The following CUL4A variants were observed in gnomAD, a reference collection of about 807,000 sequenced individuals.
CUL4A encodes cullin-4A.
In CUL4A, 16 loss-of-function variants were observed where a neutral mutation model predicts 95.5. The observed-to-expected ratio is 0.17, with a 90% confidence interval of 0.11 to 0.25. The LOEUF (loss-of-function observed/expected upper bound fraction) is 0.25. Among genes scored for constraint, CUL4A ranks in the 10% least tolerant of loss-of-function variants. The pLI is 1.00. For missense variants in CUL4A, 610 were observed against 937.0 expected, an observed-to-expected ratio of 0.65 and a Z score of 4.56; for synonymous variants, 380 against 353.1, an observed-to-expected ratio of 1.08 and a Z score of -0.85.
At chr13:113,226,545 A>G (rs555566151) in intron 3 of CUL4A, among the ~76,000 whole-genome samples, 3 of 152,360 alleles carry the variant, frequency 2.0e-5, no homozygotes, top group East Asian at 3.9e-4. Flanking sequence ...GAGGGACACC[A>G]GACCACTTGC....
intron 3 of CUL4A, among the ~76,000 whole-genome samples, chr13:113,227,013 C>G (rs1387366752): frequency 6.6e-6 from 1 of 152,062 alleles, no homozygotes; most frequent in African/African-American, 2.4e-5. Flanking sequence ...TGTGTTTCTG[C>G]CGGCAGGGAC....
intron 9 of CUL4A, among the ~76,000 whole-genome samples, chr13:113,237,300 C>A (rs565154209): frequency 6.6e-6 from 1 of 152,336 alleles, no homozygotes; most frequent in South Asian, 2.1e-4. Flanking sequence ...CTTCCCTCAC[C>A]TGCGGACTTC....
At position 113,239,487 on chromosome 13, in the gene CUL4A, A is replaced by G; in HGVS notation, c.971A>G (p.Gln324Arg). ...NRVPDLAQMY[Q>R]LFSRVRGGQQ... Reference sequence around the variant, plus strand: ...GTGCCGGACCTCGCACAGATGTACCAGCTGTTCAGCCGGGTGAGGGGCGGG... The same window carrying G: ...GTGCCGGACCTCGCACAGATGTACCGGCTGTTCAGCCGGGTGAGGGGCGGG... Residue 324 changes from glutamine to arginine, a missense_variant, in exon 10 of 20, where the codon CAG becomes CGG. Gln to Arg is a conservative substitution (Grantham distance 43). Coordinates refer to ENST00000375440, the MANE Select transcript of CUL4A (RefSeq NM_001008895.4). The G allele has an allele frequency of 6.2e-7, 1 of 1,613,974 alleles. No homozygotes were observed. The highest frequency in any genetic ancestry group is 8.5e-7 in the Non-Finnish European group (1 of 1,179,956).
At chr13:113,252,919 G>C (rs1247652079) in intron 15 of CUL4A, among the ~76,000 whole-genome samples, 163 bp from the exon 16 acceptor site, 1 of 152,214 alleles carries the variant, frequency 6.6e-6, no homozygotes, top group African/African-American at 2.4e-5. Context: ...AAAGTTCAAG[G>C]ATTGAGGACG....
At chr13:113,209,907 C>A in intron 1 of CUL4A, 66 bp from the exon 2 acceptor site, 3 of 1,311,684 alleles carry the variant, frequency 2.3e-6, no homozygotes, top group South Asian at 3.5e-5. Context: ...CCGGCCGGGT[C>A]GGGGGTGGCT....
chr13:113,256,095 G>C (rs2139288401), intron 18 of CUL4A, among the ~76,000 whole-genome samples: 1 of 152,244 alleles, frequency 6.6e-6, no homozygotes, highest in South Asian at 2.1e-4. Context: ...AGCTACTCGG[G>C]AGGGTCGCTT....
At chr13:113,235,689 A>AG (rs1209426482) in intron 8 of CUL4A, among the ~76,000 whole-genome samples, 7 of 152,146 alleles carry the variant, frequency 4.6e-5, no homozygotes, top group African/African-American at 1.7e-4. Context: ...TACAGTGTGC[A>AG]GCTGGGCGCG....
In CUL4A at chr13:113,235,926, A is replaced by G. The variant is rs189279965; in HGVS notation, c.848+781A>G. 8.6e-4 allele frequency among the ~76,000 whole-genome samples: 130 copies of G among 150,704 alleles called. 1 individual carries two copies. In the East Asian group the frequency reaches 0.023, roughly 27 times the overall value. On this transcript the variant is annotated intron_variant, in intron 8 of 19. Coordinates refer to ENST00000375440, the MANE Select transcript of CUL4A (RefSeq NM_001008895.4). ...GCAGAGCTTGCAGTGAGCCGAGATC[A>G]CGCCACTGCACTCCAGCCTGGGCGA...
At chr13:113,242,027 A>G (rs1041508689) in intron 10 of CUL4A, among the ~76,000 whole-genome samples, 2 of 152,008 alleles carry the variant, frequency 1.3e-5, no homozygotes, top group Non-Finnish European at 2.9e-5. Context: ...AATTAAAAAT[A>G]CAAACTAGGC....
At chr13:113,231,858 C>T (rs1009872513) in intron 5 of CUL4A, among the ~76,000 whole-genome samples, 17 of 152,142 alleles carry the variant, frequency 1.1e-4, no homozygotes, top group African/African-American at 3.9e-4. Flanking sequence ...GTGATGTGGG[C>T]AGTCAAGGGA....
rs768339949 is a variant in CUL4A, at chr13:113,253,110, C to T, written c.1667C>T (p.Ala556Val). The T allele has an allele frequency of 1.2e-6, 2 of 1,604,926 alleles. No homozygotes were observed. Among genetic ancestry groups the T allele is most frequent in the Non-Finnish European group, 1.7e-6 (2 of 1,174,622 alleles). Residue 556 changes from alanine (A) to valine (V), a missense_variant, in exon 16 of 20, where the codon GCA becomes GTA. This residue lies in a region of CUL4A where 44 missense variants were observed against 75.6 expected (regional missense o/e 0.58). Transcript: ENST00000375440. ...ATTAAACTTCAGGAAGTATTTAAGG[C>T]ATTTTATCTTGGAAAGCACAGTGGT... ...EMIKLQEVFK[A>V]FYLGKHSGRK...
At position 113,229,519 on chromosome 13, in the gene CUL4A, G is replaced by T. The variant is rs1260800006; in HGVS notation, c.512G>T (p.Trp171Leu). The T allele has an allele frequency of 6.2e-7, 1 of 1,612,662 alleles. No individual in the cohort carries two copies. ...CAGAACTCCACGCTGCCCTCCATCT[G>T]GTGAGTGTCCTCACAGCGCAGAGCT... ...VLQNSTLPSI[W>L]DMGLELFRTH... Residue 171 changes from tryptophan to leucine, a missense_variant and splice_region_variant, in exon 5 of 20, where the codon TGG becomes TTG. Transcript: ENST00000375440.
intron 15 of CUL4A, among the ~76,000 whole-genome samples, chr13:113,250,036 T>TG (rs1291018191): frequency 6.6e-6 from 1 of 152,240 alleles, no homozygotes; most frequent in Non-Finnish European, 1.5e-5. Flanking sequence ...TCCCATTCTG[T>TG]GGGCTATCTT....
chr13:113,218,694 G>A (rs945495916), intron 2 of CUL4A, among the ~76,000 whole-genome samples: 32 of 152,188 alleles, frequency 2.1e-4, no homozygotes, highest in Non-Finnish European at 3.5e-4. Context: ...CCGAGGTCCA[G>A]CAGGTGCAAT....
chr13:113,247,175 C>T (rs570494802), intron 15 of CUL4A, among the ~76,000 whole-genome samples: 1 of 152,266 alleles, frequency 6.6e-6, no homozygotes, highest in South Asian at 2.1e-4. Context: ...GGCGCCAGGC[C>T]ATTCATGAGG....
intron 19 of CUL4A, chr13:113,262,784 T>C (rs2042317009): frequency 1.3e-5 from 2 of 152,388 alleles, no homozygotes; most frequent in African/African-American, 2.4e-5. Context: ...GCCTCACTTA[T>C]ACGTGCCCTT....
At chr13:113,260,211 A>AAAAAAAAAAAAAAAAAAAAC (rs1197388632) in intron 18 of CUL4A, among the ~76,000 whole-genome samples, 3 of 119,524 alleles carry the variant, frequency 2.5e-5, no homozygotes, top group African/African-American at 1.1e-4. Context: ...CTCAAAAAAA[A>AAAAAAAAAAAAAAAAAAAAC]AAAAAAAACC....
At chr13:113,257,739 G>C (rs1385128837) in intron 18 of CUL4A, among the ~76,000 whole-genome samples, 3 of 152,076 alleles carry the variant, frequency 2.0e-5, no homozygotes, top group African/African-American at 7.2e-5. Context: ...TGGCCTAAGA[G>C]AGAAATTCCC....
At position 113,219,008 on chromosome 13, in the gene CUL4A, T is replaced by C; in HGVS notation, c.328T>C (p.Cys110Arg). Reference sequence around the variant, plus strand: ...GCTCTACAAGCAACTGCGTCAGGCCTGTGAAGACCACGTCCAGGCACAGAT... The same window carrying C: ...GCTCTACAAGCAACTGCGTCAGGCCCGTGAAGACCACGTCCAGGCACAGAT... Reference protein sequence around the residue: ...PMLYKQLRQACEDHVQAQILP... With the variant: ...PMLYKQLRQAREDHVQAQILP... Residue 110 changes from cysteine to arginine, a missense_variant, in exon 3 of 20, where the codon TGT becomes CGT. By Grantham distance (180) the Cys-to-Arg change is radical. Around this residue, in one of 10 missense-constraint regions of CUL4A, gnomAD observed 168 missense variants for 185.5 expected, o/e 0.91. Transcript: ENST00000375440. The C allele has an allele frequency of 6.2e-7, 1 of 1,613,398 alleles. No homozygotes were observed. Among genetic ancestry groups the C allele is most frequent in the Non-Finnish European group, 8.5e-7 (1 of 1,179,772 alleles).
Sources: gnomAD v4.1 joint callset for allele counts (sites outside exome capture counted in the v4.1 genomes callset) on GRCh38, gnomAD v4.1.1 for gene constraint, gnomAD v4.1.1 regional missense constraint, MANE v1.5 for transcripts, NCBI Gene and HGNC (gene_info 2026-07-23, HGNC 2026-07-21) for gene names.